Variants in MCM3 observed in about 807,000 individuals in gnomAD.
MCM3 encodes the protein minichromosome maintenance complex component 3.
In MCM3, 59 loss-of-function variants were observed where a neutral mutation model predicts 91.3. The ratio of observed to expected loss-of-function variants is 0.65; its 90% CI spans 0.52 to 0.80. MCM3 has a LOEUF of 0.80. Ranked by LOEUF, MCM3 falls within the 30% of genes least tolerant of loss-of-function variation. MCM3 has a pLI of 0.00. For synonymous variants in MCM3, 383 were observed against 379.6 expected, an observed-to-expected ratio of 1.01 and a Z score of -0.10; for missense variants, 919 against 1,035.4, an observed-to-expected ratio of 0.89 and a Z score of 1.54.
chr6:52,276,502 G>A (rs560280325), intron 8 of MCM3, 26 bp from the exon 9 acceptor site: 47 of 1,589,802 alleles, frequency 3.0e-5, no homozygotes, highest in African/African-American at 9.4e-5. Flanking sequence ...GTAAAAATAC[G>A]TGCTACAGTC....
At position 52,264,455 on chromosome 6, in the gene MCM3, TCACCAA is replaced by T; in HGVS notation, c.*127_*132del. ...CCACCGAGTCCTGAACTCAGCTTCA[TCACCAA>T]CATTCCTCGCCTTCAGTTGAATTCA... On this transcript the variant is annotated 3_prime_UTR_variant, in exon 17 of 17. Coordinates refer to ENST00000596288, the MANE Select transcript of MCM3 (RefSeq NM_002388.6). 1 of 964,782 alleles carries T rather than the reference TCACCAA, an allele frequency of 1.0e-6. No homozygotes were observed. Among genetic ancestry groups the T allele is most frequent in the Non-Finnish European group, 1.6e-6 (1 of 636,114 alleles). The allele number at this position is 964,782 out of a possible 1,614,324, so 59.8% of individuals were successfully genotyped here.
At chr6:52,272,820 T>G (rs539723373) in intron 11 of MCM3, among the ~76,000 whole-genome samples, 1 of 152,160 alleles carries the variant, frequency 6.6e-6, no homozygotes, top group African/African-American at 2.4e-5. Flanking sequence ...CAAAAATAGG[T>G]GTAAGATCCC....
intron 15 of MCM3, 126 bp from the exon 16 acceptor site, chr6:52,266,270 G>A (rs1764635840): frequency 1.4e-6 from 1 of 729,992 alleles, no homozygotes; most frequent in Admixed American, 2.2e-5. Flanking sequence ...CTATTTCCTA[G>A]GGTTCTTATG....
At chr6:52,269,029 C>T in intron 13 of MCM3, 57 bp downstream of exon 13, 1 of 1,544,216 alleles carries the variant, frequency 6.5e-7, no homozygotes, top group Non-Finnish European at 8.8e-7. Flanking sequence ...CTGGGAAGCC[C>T]ATGCATCTGT....
At chr6:52,278,654 T>G (rs1765792964) in intron 6 of MCM3, 88 bp downstream of exon 6, 2 of 826,216 alleles carry the variant, frequency 2.4e-6, no homozygotes, top group Admixed American at 4.6e-5. Context: ...CAACCCTTCC[T>G]TCTGATCTAG....
At chr6:52,269,454 G>C (rs868341095) in intron 12 of MCM3, among the ~76,000 whole-genome samples, 1 of 152,190 alleles carries the variant, frequency 6.6e-6, no homozygotes, top group Non-Finnish European at 1.5e-5. Context: ...AGTGAACAGG[G>C]AAGATTAGGC....
Position 52,283,417 on chromosome 6 carries a change from G to C in MCM3, c.79-11C>G, listed in dbSNP as rs768675413. The C allele has an allele frequency of 7.0e-6, 11 of 1,572,492 alleles. No individual in the cohort carries two copies. In the South Asian group the frequency reaches 1.2e-4, roughly 17 times the overall value. On this transcript the variant is annotated splice_polypyrimidine_tract_variant and intron_variant, in intron 1 of 16. Transcript: ENST00000596288. ...AATTCCCTGGTCTTCCTGCAAAACA[G>C]CCACCACATATCACCATAGCCACAA...
rs1292783287 is a variant in MCM3 at position 52,277,631 on chromosome 6, C to G, written c.937G>C (p.Val313Leu). Residue 313 changes from valine to leucine, a missense_variant, in exon 7 of 17, where the codon GTC becomes CTC. Val to Leu is a conservative substitution (Grantham distance 32, BLOSUM62 1). This residue lies in a region of MCM3 where 401 missense variants were observed against 402.7 expected (regional missense o/e 1.00). Coordinates refer to ENST00000596288, the MANE Select transcript of MCM3 (RefSeq NM_002388.6). The part of the protein sequence containing the change: ...LAPSIHGHDY[V>L]KKAILCLLLG... ...AGCAAGCAGAGGATTGCTTTCTTGACATAGTCATGCCCATGGATACTTGGG... is the reference window on the plus strand; with the variant it reads ...AGCAAGCAGAGGATTGCTTTCTTGAGATAGTCATGCCCATGGATACTTGGG... 1.8e-5 allele frequency: 29 copies of G among 1,614,082 alleles called. No homozygotes were observed. The highest frequency in any genetic ancestry group is 2.5e-5 in the Non-Finnish European group (29 of 1,180,006).
At position 52,282,852 on chromosome 6, in the gene MCM3, G is replaced by T. The variant is rs914617526; in HGVS notation, c.201C>A (p.Asn67Lys). 6.2e-7 allele frequency: 1 copy of T among 1,613,894 alleles called. No individual in the cohort carries two copies. Among genetic ancestry groups the T allele is most frequent in the South Asian group, 1.1e-5 (1 of 91,064 alleles). The change falls in exon 3 of 17, where the codon AAC (asparagine) becomes AAA (lysine). Residue 67 changes from asparagine to lysine, a missense_variant. Coordinates refer to ENST00000596288, the MANE Select transcript of MCM3 (RefSeq NM_002388.6). ...AGGCAACCAGCTCCTCAAAGGCATT[G>T]TTCAGAAGCCTGTACATAAGCAAGA... ...KNEKRANRLL[N>K]NAFEELVAFQ...
At chr6:52,277,305 G>C in intron 7 of MCM3, 107 bp from the exon 8 acceptor site, 1 of 1,230,976 alleles carries the variant, frequency 8.1e-7, no homozygotes, top group Non-Finnish European at 1.1e-6. Context: ...ACAGTAAGTG[G>C]ATTTTAATAT....
intron 4 of MCM3, among the ~76,000 whole-genome samples, chr6:52,281,841 T>A (rs1766126324): frequency 6.6e-6 from 1 of 152,210 alleles, no homozygotes. Context: ...GAGAACCTCA[T>A]CTTTAAAAAT....
rs1765652383 is a variant in MCM3 at position 52,277,205 on chromosome 6, G to T, written c.1034-7C>A. The T allele has an allele frequency of 6.2e-7, 1 of 1,611,096 alleles. No individual in the cohort carries two copies. Among genetic ancestry groups the T allele is most frequent in the South Asian group, 1.1e-5 (1 of 90,886 alleles). ...TTGGCAACGGATGGGTCTCCTGTAG[G>T]GTGGGGGCAGTGATGACTCTCTAGG... is the stretch of plus-strand genomic sequence containing the variant. On this transcript the variant is annotated splice_polypyrimidine_tract_variant and splice_region_variant and intron_variant, in intron 7 of 16. Coordinates refer to ENST00000596288, the MANE Select transcript of MCM3 (RefSeq NM_002388.6).
In MCM3 at chr6:52,277,806, G is replaced by C. The variant is rs538391807; in HGVS notation, c.880-118C>G. ...GAAGAGGGCCAGGCGCAGTGGCTCA[G>C]GTCTGTAATCCTAGCACTTTGGGAG... On this transcript the variant is annotated intron_variant, in intron 6 of 16. Transcript: ENST00000596288. The C allele has an allele frequency of 1.8e-4, 151 of 853,888 alleles. 1 individual carries two copies. The South Asian group carries it at 2.5e-3, about 14-fold the overall frequency. 52.9% of individuals were successfully genotyped at this position (853,888 alleles called of 1,614,324 possible).
At position 52,284,687 on chromosome 6, in the gene MCM3, A is replaced by C. The variant is rs1419119195; in HGVS notation, c.-13T>G. ...CGGTACCCGCCATGCCCGCTGCCAA[A>C]GAACTACCTCCACCAAAGTCGCGTG... On this transcript the variant is annotated 5_prime_UTR_variant, in exon 1 of 17. Transcript: ENST00000596288. The C allele has an allele frequency of 1.9e-6, 3 of 1,605,336 alleles. No homozygotes were observed. The highest frequency in any genetic ancestry group is 2.5e-6 in the Non-Finnish European group (3 of 1,176,722).
At chr6:52,265,314 A>G in intron 16 of MCM3, 1 of 432,796 alleles carries the variant, frequency 2.3e-6, no homozygotes, top group South Asian at 1.7e-5. Flanking sequence ...GCCTTTTGGG[A>G]GGCTCAGGTA....
chr6:52,281,474 C>A (rs6934554), intron 4 of MCM3, among the ~76,000 whole-genome samples: 97,463 of 151,668 alleles, frequency 0.64, 31,893 homozygotes, highest in African/African-American at 0.77. Flanking sequence ...CCACGACTTC[C>A]AGTCCAGCCT....
intron 9 of MCM3, among the ~76,000 whole-genome samples, chr6:52,274,276 G>A (rs974238433): frequency 6.6e-6 from 1 of 152,110 alleles, no homozygotes; most frequent in East Asian, 1.9e-4. Context: ...CTGTCATAAA[G>A]ACAGGGCAAG....
chr6:52,279,251 G>T, intron 5 of MCM3, 110 bp downstream of exon 5: 1 of 875,970 alleles, frequency 1.1e-6, no homozygotes. Flanking sequence ...CAGGTAGAGT[G>T]CTCCACCTAT....
chr6:52,276,726 TTC>T (rs2128280980), intron 8 of MCM3, among the ~76,000 whole-genome samples: 1 of 152,284 alleles, frequency 6.6e-6, no homozygotes, highest in African/African-American at 2.4e-5. Flanking sequence ...CCTTCATAGA[TTC>T]TCTCTTCGGC....
Sources: gnomAD v4.1 joint callset for allele counts (sites outside exome capture counted in the v4.1 genomes callset) on GRCh38, gnomAD v4.1.1 for gene constraint, gnomAD v4.1.1 regional missense constraint, MANE v1.5 for transcripts, NCBI Gene and HGNC (gene_info 2026-07-23, HGNC 2026-07-21) for gene names.